PTPRM: variants seen among roughly 807,000 people sequenced by gnomAD.
PTPRM encodes receptor-type tyrosine-protein phosphatase mu.
Under a neutral mutation model 186.7 loss-of-function variants are expected in PTPRM, and 47 were observed. The ratio of observed to expected loss-of-function variants is 0.25; its 90% CI spans 0.20 to 0.32. The LOEUF is 0.32. Among genes scored for constraint, PTPRM ranks in the 10% least tolerant of loss-of-function variants. The pLI, the probability that PTPRM is intolerant of heterozygous loss-of-function variation, is 1.00. For missense variants in PTPRM, 1,494 were observed against 1,865.0 expected (o/e 0.80, Z 3.66); for synonymous variants, 668 against 674.9 (o/e 0.99, Z 0.16).
At chr18:7,708,671 AT>A (rs1432274623) in intron 1 of PTPRM, among the ~76,000 whole-genome samples, 1 of 152,130 alleles carries the variant, frequency 6.6e-6, no homozygotes, top group African/African-American at 2.4e-5. Flanking sequence ...CAGAAGTGGA[AT>A]TTTTATCAAA....
intron 4 of PTPRM, among the ~76,000 whole-genome samples, chr18:7,920,967 C>G (rs776014929): frequency 8.5e-5 from 13 of 152,060 alleles, no homozygotes; most frequent in Non-Finnish European, 1.3e-4. Flanking sequence ...CCATATGAAC[C>G]CTGATTCCTT....
intron 29 of PTPRM, 121 bp from the exon 30 acceptor site, chr18:8,384,440 A>G: frequency 3.5e-6 from 4 of 1,143,260 alleles, no homozygotes; most frequent in Admixed American, 4.4e-5. Flanking sequence ...CTGGGGAGAC[A>G]GAGCAAGACC....
At position 7,668,095 on chromosome 18, in the gene PTPRM, G is replaced by A. The variant is rs191192503; in HGVS notation, c.73+100204G>A. On this transcript the variant is annotated intron_variant, in intron 1 of 32. Transcript: ENST00000580170. This position sits in a 1 kb window ranked among gnomAD's most constrained non-coding sequence, Gnocchi z 4.7. ...GTTTTTTATTTTTATGGTGGTGGTT[G>A]TAATGTATTTGCTTTTAGAGAAATG... 7.7e-3 allele frequency among the ~76,000 whole-genome samples: 1,173 copies of A among 152,260 alleles called. 7 individuals are homozygous for A. Among genetic ancestry groups the A allele is most frequent in the Non-Finnish European group, 0.012 (834 of 68,008 alleles).
chr18:7,891,113 CAAAA>C, intron 3 of PTPRM, among the ~76,000 whole-genome samples: 1 of 128,504 alleles, frequency 7.8e-6, no homozygotes, highest in African/African-American at 2.7e-5. Context: ...CCAGTGTCTC[CAAAA>C]AAAAAAAAAA....
Position 7,774,044 on chromosome 18 carries a change from T to C in PTPRM, c.74-105T>C, listed in dbSNP as rs559904101. On this transcript the variant is annotated intron_variant, in intron 1 of 32. Coordinates refer to ENST00000580170, the MANE Select transcript of PTPRM (RefSeq NM_001105244.2). The stretch of plus-strand genomic sequence containing the variant: ...GTGGAAAGACCTAATCAGATTTAGT[T>C]TGGCATCAAACTTGGCATCAAGTCT... The C allele has an allele frequency of 3.4e-6, 4 of 1,178,316 alleles. No individual in the cohort carries two copies. In the African/African-American group the frequency reaches 6.1e-5, roughly 18 times the overall value. The allele number at this position is 1,178,316 out of a possible 1,614,324, so 73.0% of individuals were successfully genotyped here.
intron 5 of PTPRM, among the ~76,000 whole-genome samples, chr18:7,946,530 G>A (rs919347549): frequency 3.9e-5 from 6 of 152,150 alleles, no homozygotes; most frequent in Admixed American, 3.9e-4. Flanking sequence ...CTTAGGGCTA[G>A]AATTTGCTTA....
In PTPRM at chr18:7,567,863, G is replaced by A. The variant is rs761273277; in HGVS notation, c.45G>A (p.Leu15=). The A allele has an allele frequency of 2.0e-5, 31 of 1,562,558 alleles. No homozygotes were observed. The highest frequency in any genetic ancestry group is 2.7e-5 in the Non-Finnish European group (31 of 1,158,264). The change falls in exon 1 of 33, where the codon TTG becomes TTA. Residue 15 remains leucine, a synonymous_variant. Transcript: ENST00000580170. This position sits in a 1 kb window ranked among gnomAD's most constrained non-coding sequence, Gnocchi z 4.3. ...GCCTGGCGACTTTGGCCGGACTTTT[G>A]CTAACTGCGGCGGGCGAGACGTTCT... is the stretch of plus-strand genomic sequence containing the variant. ...GTCLATLAGL[L]LTAAGETFSG... is the part of the protein sequence containing the mutation.
chr18:8,120,239 C>T (rs1445126358), intron 13 of PTPRM, among the ~76,000 whole-genome samples: 1 of 152,138 alleles, frequency 6.6e-6, no homozygotes, highest in East Asian at 1.9e-4. Context: ...ATTTTTTCCT[C>T]ATGACTAAAA....
intron 14 of PTPRM, among the ~76,000 whole-genome samples, chr18:8,181,086 C>T (rs1393845840): frequency 1.3e-5 from 2 of 152,146 alleles, no homozygotes; most frequent in Non-Finnish European, 2.9e-5. Flanking sequence ...CATACTCAAG[C>T]CAAATTTAGT....
At chr18:8,352,570 G>A (rs1447983064) in intron 23 of PTPRM, among the ~76,000 whole-genome samples, 1 of 151,260 alleles carries the variant, frequency 6.6e-6, no homozygotes, top group Non-Finnish European at 1.5e-5. Context: ...ATTCACTTAG[G>A]ATAATGGCCT....
At chr18:7,652,481 A>C (rs1029122367) in intron 1 of PTPRM, among the ~76,000 whole-genome samples, 3 of 152,090 alleles carry the variant, frequency 2.0e-5, no homozygotes, top group African/African-American at 7.2e-5. Flanking sequence ...CTATTCACAA[A>C]AGCAAAGACT....
intron 11 of PTPRM, among the ~76,000 whole-genome samples, chr18:8,106,728 G>T (rs2091538449): frequency 6.6e-6 from 1 of 152,190 alleles, no homozygotes. Flanking sequence ...CTTCTCATTT[G>T]CTGATGTCAC....
chr18:7,951,490 C>T (rs1051132116), intron 6 of PTPRM, among the ~76,000 whole-genome samples: 1 of 152,094 alleles, frequency 6.6e-6, no homozygotes, highest in African/African-American at 2.4e-5. Flanking sequence ...TTATAAATTT[C>T]TAGTCTACCT....
In PTPRM at chr18:7,988,824, T is replaced by G. The variant is rs376956760; in HGVS notation, c.1132+33410T>G. ...ATTCTTTCACCTGTTGATGGGCATT[T>G]TGGTTGCTTCTACCTTTTGATTATT... On this transcript the variant is annotated intron_variant, in intron 7 of 32. Transcript: ENST00000580170. Among the ~76,000 whole-genome samples the G allele has an allele frequency of 4.6e-4, 70 of 152,308 alleles. 2 individuals carry two copies. In the South Asian group the frequency reaches 0.014, roughly 32 times the overall value.
chr18:7,860,078 TA>T (rs202173762), intron 2 of PTPRM, among the ~76,000 whole-genome samples: 9 of 150,022 alleles, frequency 6.0e-5, no homozygotes, highest in African/African-American at 2.2e-4. Context: ...GTTTTTATTT[TA>T]TTTTTTTTTT....
chr18:8,364,977 G>A (rs566709484), intron 23 of PTPRM: 2 of 152,394 alleles, frequency 1.3e-5, no homozygotes, highest in East Asian at 1.9e-4. Flanking sequence ...GAGTAGAAAC[G>A]CAGCAGCTTG....
intron 2 of PTPRM, among the ~76,000 whole-genome samples, chr18:7,795,964 C>T (rs377189939): frequency 2.0e-5 from 3 of 151,786 alleles, no homozygotes; most frequent in Non-Finnish European, 4.4e-5. Context: ...CAGGCATGCA[C>T]CACTACAGCT....
intron 1 of PTPRM, among the ~76,000 whole-genome samples, chr18:7,702,606 T>C (rs1291318505): frequency 6.6e-6 from 1 of 152,254 alleles, no homozygotes; most frequent in Non-Finnish European, 1.5e-5. Flanking sequence ...CTTTGTCAGA[T>C]GGATAGATTG....
chr18:8,216,331 T>G (rs2094085504), intron 14 of PTPRM, among the ~76,000 whole-genome samples: 1 of 152,216 alleles, frequency 6.6e-6, no homozygotes, highest in African/African-American at 2.4e-5. Flanking sequence ...ATAACAAGAA[T>G]TTTTGTTTGA....
Sources: gnomAD v4.1 joint callset for allele counts (sites outside exome capture counted in the v4.1 genomes callset) on GRCh38, gnomAD v4.1.1 for gene constraint, Gnocchi (gnomAD v3.1) non-coding constraint, MANE v1.5 for transcripts, NCBI Gene and HGNC (gene_info 2026-07-23, HGNC 2026-07-21) for gene names.